PRR33: variants seen among roughly 807,000 people sequenced by gnomAD.
The protein encoded by PRR33 is proline rich 33, also known as proline-rich protein 33.
Under a neutral mutation model 0.5 loss-of-function variants are expected in PRR33, and 1 was observed. The observed-to-expected ratio is 2.18, with a 90% CI of 0.77 to 10.34. The LOEUF (loss-of-function observed/expected upper bound fraction) is 10.34, where lower values mean the gene tolerates loss of function less well. Among genes scored for constraint, PRR33 ranks in the 30% most tolerant of loss-of-function variants. The pLI is 0.13. For synonymous variants in PRR33, 226 were observed against 110.0 expected, an observed-to-expected ratio of 2.06 and a Z score of -6.60; for missense variants, 552 against 251.8, an observed-to-expected ratio of 2.19 and a Z score of -8.07.
chr11:1,916,302 C>A, the PRR33 span, among the ~76,000 whole-genome samples: 1 of 152,140 alleles, frequency 6.6e-6, no homozygotes, highest in Admixed American at 6.5e-5. Flanking sequence ...TCCCTTGGGT[C>A]CTCACAGCCA....
chr11:1,911,835 GT>G, the PRR33 span, among the ~76,000 whole-genome samples: 5 of 151,798 alleles, frequency 3.3e-5, no homozygotes, highest in Non-Finnish European at 7.4e-5. Context: ...ACATCATTCA[GT>G]TTTCTGATGT....
chr11:1,890,581 G>A (rs565675265), exon 1 of PRR33: 9 of 707,088 alleles, frequency 1.3e-5, no homozygotes, highest in African/African-American at 1.2e-4. Context: ...GCCGATATGA[G>A]CATGACTGTG....
the PRR33 span, among the ~76,000 whole-genome samples, chr11:1,916,302 C>T: frequency 6.6e-6 from 1 of 152,140 alleles, no homozygotes; most frequent in African/African-American, 2.4e-5. Flanking sequence ...TCCCTTGGGT[C>T]CTCACAGCCA....
the PRR33 span, among the ~76,000 whole-genome samples, chr11:1,909,786 A>AAAGAAGAAG: frequency 3.3e-5 from 5 of 151,950 alleles, no homozygotes; most frequent in African/African-American, 1.2e-4. Context: ...TCTGAGAAAA[A>AAAGAAGAAG]AAGAAGAAGA....
exon 1 of PRR33, chr11:1,890,926 C>A (rs1052935671): frequency 1.1e-5 from 3 of 262,190 alleles, no homozygotes; most frequent in Admixed American, 4.8e-5. Context: ...GGCCGCAACA[C>A]CGTGTGGGCT....
chr11:1,895,320 G>A (rs1483381736), upstream of PRR33, among the ~76,000 whole-genome samples: 2 of 151,960 alleles, frequency 1.3e-5, no homozygotes, highest in African/African-American at 2.4e-5. Flanking sequence ...TTTAGTAGAG[G>A]TGGGGTTTCA....
chr11:1,891,235 C>A (rs997189565), exon 1 of PRR33: 1 of 152,456 alleles, frequency 6.6e-6, no homozygotes, highest in Non-Finnish European at 1.5e-5. Flanking sequence ...GTGGCCCGGC[C>A]AAGCCGCCCA....
At chr11:1,890,417 G>T in exon 1 of PRR33, 1 of 717,200 alleles carries the variant, frequency 1.4e-6, no homozygotes, top group Non-Finnish European at 2.6e-6. Flanking sequence ...TGGGTGGAGC[G>T]AGGTGTGTGC....
chr11:1,912,456 G>A, the PRR33 span, among the ~76,000 whole-genome samples: 12 of 152,114 alleles, frequency 7.9e-5, no homozygotes, highest in African/African-American at 2.4e-4. Context: ...TTGTTTATGG[G>A]ATTCTTTCAC....
chr11:1,903,671 G>A, the PRR33 span, among the ~76,000 whole-genome samples: 1 of 152,120 alleles, frequency 6.6e-6, no homozygotes, highest in Non-Finnish European at 1.5e-5. Context: ...CCGCGTCCGG[G>A]ACCTAACACG....
chr11:1,897,485 T>C, the PRR33 span, among the ~76,000 whole-genome samples: 1 of 152,224 alleles, frequency 6.6e-6, no homozygotes, highest in South Asian at 2.1e-4. This position sits in a 1 kb window ranked among gnomAD's most constrained non-coding sequence, Gnocchi z 4.0. Flanking sequence ...ACCTATCTGC[T>C]TCCGTAAAGC....
the PRR33 span, among the ~76,000 whole-genome samples, chr11:1,899,160 T>C: frequency 6.6e-6 from 1 of 152,148 alleles, no homozygotes; most frequent in Non-Finnish European, 1.5e-5. Flanking sequence ...TTCAGAGGCA[T>C]GACAGTCTCA....
the PRR33 span, among the ~76,000 whole-genome samples, chr11:1,898,042 C>A: frequency 6.6e-6 from 1 of 152,180 alleles, no homozygotes; most frequent in African/African-American, 2.4e-5. Flanking sequence ...TACAACCGAA[C>A]CTTTCTAATA....
chr11:1,905,561 C>T, the PRR33 span, among the ~76,000 whole-genome samples: 142 of 151,644 alleles, frequency 9.4e-4, no homozygotes, highest in Admixed American at 2.0e-3. Context: ...GCCTCAGCCT[C>T]TCTAGTAGCT....
At chr11:1,917,091 ACC>A in the PRR33 span, among the ~76,000 whole-genome samples, 7 of 152,202 alleles carry the variant, frequency 4.6e-5, no homozygotes, top group Non-Finnish European at 8.8e-5. Context: ...GGAGGCAGCT[ACC>A]TAGGGCTGGA....
chr11:1,915,229 C>A, the PRR33 span, among the ~76,000 whole-genome samples: 1 of 142,858 alleles, frequency 7.0e-6, no homozygotes, highest in Non-Finnish European at 1.5e-5. Flanking sequence ...GGGGTGTACA[C>A]ACTTAGGGAT....
At chr11:1,913,393 G>A in the PRR33 span, among the ~76,000 whole-genome samples, 11 of 150,296 alleles carry the variant, frequency 7.3e-5, no homozygotes, top group African/African-American at 2.4e-4. Context: ...TGATCCGCCC[G>A]CCTCAGCCTC....
At chr11:1,911,022 T>A in the PRR33 span, among the ~76,000 whole-genome samples, 772 of 152,372 alleles carry the variant, frequency 5.1e-3, 6 homozygotes, top group African/African-American at 0.018. Context: ...GGCTTGTTTT[T>A]TTTGGCTTGG....
chr11:1,910,534 C>T, the PRR33 span, among the ~76,000 whole-genome samples: 5 of 152,206 alleles, frequency 3.3e-5, no homozygotes, highest in Non-Finnish European at 7.3e-5. Flanking sequence ...AGGCGTGAGC[C>T]ACCGTGCCTG....
Sources: gnomAD v4.1 joint callset for allele counts (sites outside exome capture counted in the v4.1 genomes callset) on GRCh38, gnomAD v4.1.1 for gene constraint, Gnocchi (gnomAD v3.1) non-coding constraint, MANE v1.5 for transcripts, NCBI Gene and HGNC (gene_info 2026-07-23, HGNC 2026-07-21) for gene names.